BST1: variants seen among roughly 807,000 people sequenced by gnomAD.
BST1 encodes bone marrow stromal cell antigen 1.
In BST1, 49 loss-of-function variants were observed where a neutral mutation model predicts 40.6. That is an observed-to-expected ratio of 1.21 (90% CI 0.96 to 1.53). BST1 has a LOEUF of 1.53. Ranked by LOEUF, BST1 falls within the 40% of genes most tolerant of loss-of-function variation. The pLI is 0.00. For synonymous variants in BST1, 157 were observed against 159.3 expected (o/e 0.99, Z 0.11); for missense variants, 423 against 395.9 (o/e 1.07, Z -0.58).
the BST1 span, among the ~76,000 whole-genome samples, chr4:15,751,554 T>A: frequency 6.6e-6 from 1 of 152,142 alleles, no homozygotes; most frequent in Non-Finnish European, 1.5e-5. Context: ...ATAGTGGAGA[T>A]CTAGATATAT....
At chr4:15,709,376 C>T (rs1288487694) in intron 3 of BST1, among the ~76,000 whole-genome samples, 1 of 152,108 alleles carries the variant, frequency 6.6e-6, no homozygotes, top group Non-Finnish European at 1.5e-5. Flanking sequence ...AGCTATGAGG[C>T]TAGAGGAATA....
chr4:15,759,255 G>A, the BST1 span, among the ~76,000 whole-genome samples: 1 of 151,930 alleles, frequency 6.6e-6, no homozygotes, highest in Non-Finnish European at 1.5e-5. Flanking sequence ...CCAGATTTCT[G>A]GGCGAAAGAA....
At chr4:15,703,437 G>A in intron 1 of BST1, 105 bp downstream of exon 1, 17 of 1,435,602 alleles carry the variant, frequency 1.2e-5, no homozygotes, top group Non-Finnish European at 1.5e-5. Flanking sequence ...GGGGCAATGA[G>A]AGAGGCCTTG....
At chr4:15,723,408 A>T (rs1404068214) in intron 8 of BST1, 1 of 256,422 alleles carries the variant, frequency 3.9e-6, no homozygotes, top group South Asian at 1.5e-4. Flanking sequence ...CACCACGCCC[A>T]GCTAATTTTT....
intron 6 of BST1, 47 bp from the exon 7 acceptor site, chr4:15,718,860 C>G (rs1417271347): frequency 6.6e-7 from 1 of 1,521,848 alleles, no homozygotes; most frequent in Non-Finnish European, 9.0e-7. Flanking sequence ...ACTTCCTCTT[C>G]CTCCTCTTAT....
the BST1 span, among the ~76,000 whole-genome samples, chr4:15,769,773 G>A: frequency 6.6e-6 from 1 of 152,106 alleles, no homozygotes; most frequent in African/African-American, 2.4e-5. Context: ...CTACCAAAAT[G>A]TTAGTGGTAG....
the BST1 span, among the ~76,000 whole-genome samples, chr4:15,765,891 A>G: frequency 5.9e-5 from 9 of 151,936 alleles, no homozygotes; most frequent in Non-Finnish European, 2.9e-5. Flanking sequence ...CTTGTCTATT[A>G]TATGTCGATT....
At chr4:15,748,633 G>C in the BST1 span, among the ~76,000 whole-genome samples, 2 of 152,184 alleles carry the variant, frequency 1.3e-5, no homozygotes, top group African/African-American at 2.4e-5. Flanking sequence ...TGCTGTGCTT[G>C]TAGGATTTTC....
chr4:15,741,290 T>G (rs1475337031), downstream of BST1, among the ~76,000 whole-genome samples: 3 of 151,744 alleles, frequency 2.0e-5, no homozygotes, highest in Non-Finnish European at 2.9e-5. Flanking sequence ...ATACTTGGAG[T>G]AGAGTAACCT....
At chr4:15,748,080 C>T in the BST1 span, among the ~76,000 whole-genome samples, 37,017 of 152,098 alleles carry the variant, frequency 0.24, 5,014 homozygotes, top group East Asian at 0.53. Context: ...GGTCATTAAA[C>T]TTTGACTCAT....
At chr4:15,706,089 G>A (rs1226607975) in intron 2 of BST1, among the ~76,000 whole-genome samples, 1 of 152,064 alleles carries the variant, frequency 6.6e-6, no homozygotes, top group Non-Finnish European at 1.5e-5. Context: ...GCAGCAAAGG[G>A]GGAAATCCAC....
intron 8 of BST1, among the ~76,000 whole-genome samples, chr4:15,724,263 T>G (rs1720979859): frequency 6.6e-6 from 1 of 152,236 alleles, no homozygotes; most frequent in African/African-American, 2.4e-5. Context: ...AGGTGCACCA[T>G]CTATGCCTGT....
chr4:15,704,784 T>C, intron 1 of BST1: 1 of 671,196 alleles, frequency 1.5e-6, no homozygotes, highest in Non-Finnish European at 2.7e-6. Context: ...CCCCTAAATC[T>C]GGAGGATTTC....
chr4:15,743,068 T>C (rs1253710421), downstream of BST1: 1 of 154,240 alleles, frequency 6.5e-6, no homozygotes, highest in Non-Finnish European at 1.4e-5. Flanking sequence ...AGTGAAAGGA[T>C]GCATAAACAG....
the BST1 span, among the ~76,000 whole-genome samples, chr4:15,757,268 G>A: frequency 9.2e-5 from 14 of 152,136 alleles, no homozygotes; most frequent in South Asian, 2.1e-4. Context: ...CTGTGCCAAC[G>A]TGTGTAGTTA....
intron 1 of BST1, chr4:15,704,819 T>A: frequency 1.4e-6 from 1 of 705,276 alleles, no homozygotes; most frequent in East Asian, 2.7e-5. Context: ...TTCTTGCCAG[T>A]GCTGCATTTC....
chr4:15,705,525 T>C lies in BST1; in HGVS notation c.199T>C (p.Cys67Arg). ...TGTACTTTTGCACAGGAACAAGAAC[T>C]GCACAGCCATCTGGGAAGCCTTTAA... is the stretch of plus-strand genomic sequence containing the variant. ...LLSPEQRNKN[C>R]TAIWEAFKVA... The change falls in exon 2 of 9, where the codon TGC becomes CGC. Residue 67 changes from cysteine to arginine, a missense_variant. Transcript: ENST00000265016. 1 of 1,587,590 alleles carries C rather than the reference T, an allele frequency of 6.3e-7. No homozygotes were observed. Among genetic ancestry groups the C allele is most frequent in the South Asian group, 1.2e-5 (1 of 86,454 alleles).
chr4:15,727,508 G>A (rs755665859), intron 8 of BST1, among the ~76,000 whole-genome samples: 1 of 152,088 alleles, frequency 6.6e-6, no homozygotes, highest in Non-Finnish European at 1.5e-5. Flanking sequence ...ACCACAAATA[G>A]CAAATATACA....
Position 15,732,158 on chromosome 4 carries a change from G to T in BST1, c.*313G>T. 9.1e-7 allele frequency: 1 copy of T among 1,097,000 alleles called. No homozygotes were observed. The highest frequency in any genetic ancestry group is 1.1e-6 in the Non-Finnish European group (1 of 898,688). 68.0% of individuals were successfully genotyped at this position (1,097,000 alleles called of 1,614,324 possible). A position where few individuals can be genotyped will look rare whatever the true frequency, so the allele number is the denominator to read the frequency against. The stretch of plus-strand genomic sequence containing the variant: ...AACATTTTAAGAGAATTCTAATAAA[G>T]CTGTATTTTACATCATCTATATTTT... On this transcript the variant is annotated 3_prime_UTR_variant, in exon 9 of 9. Coordinates refer to ENST00000265016, the MANE Select transcript of BST1 (RefSeq NM_004334.3).
Sources: gnomAD v4.1 joint callset for allele counts (sites outside exome capture counted in the v4.1 genomes callset) on GRCh38, gnomAD v4.1.1 for gene constraint, MANE v1.5 for transcripts, NCBI Gene and HGNC (gene_info 2026-07-23, HGNC 2026-07-21) for gene names.